The following STAC variants were observed in gnomAD, a reference collection of about 807,000 sequenced individuals.
STAC encodes the protein SH3 and cysteine-rich domain-containing protein.
A neutral mutation model predicts 48.8 loss-of-function variants in STAC; 43 were observed. The ratio of observed to expected loss-of-function variants is 0.88; its 90% confidence interval spans 0.69 to 1.14. The LOEUF (loss-of-function observed/expected upper bound fraction) is 1.14, where lower values mean the gene tolerates loss of function less well. STAC is among the 50% of genes most tolerant of loss of function. STAC has a pLI of 0.00. For synonymous variants in STAC, 193 were observed against 179.5 expected (o/e 1.07, Z -0.60); for missense variants, 497 against 504.0 (o/e 0.99, Z 0.13).
chr3:36,546,108 TC>T, intron 10 of STAC, 82 bp from the exon 11 acceptor site: 1 of 1,135,928 alleles, frequency 8.8e-7, no homozygotes, highest in Non-Finnish European at 1.3e-6. Flanking sequence ...GCAACCTCAG[TC>T]AGCAGGGATT....
intron 2 of STAC, among the ~76,000 whole-genome samples, chr3:36,474,810 G>T (rs1350145): frequency 0.13 from 19,430 of 152,092 alleles, 1,446 homozygotes; most frequent in East Asian, 0.31. Context: ...ACTATAAAAG[G>T]TAATGTTCTT....
At chr3:36,386,935 T>C (rs1371748677) in intron 1 of STAC, among the ~76,000 whole-genome samples, 2 of 152,114 alleles carry the variant, frequency 1.3e-5, no homozygotes, top group East Asian at 3.9e-4. Flanking sequence ...GGATTCTGAA[T>C]GGAACTGCAT....
chr3:36,400,532 T>C (rs1243647572), intron 1 of STAC, among the ~76,000 whole-genome samples: 1 of 152,210 alleles, frequency 6.6e-6, no homozygotes, highest in Non-Finnish European at 1.5e-5. Flanking sequence ...TACGCTGGGT[T>C]GGGACATTCT....
At chr3:36,450,740 G>C (rs1002790087) in intron 2 of STAC, among the ~76,000 whole-genome samples, 10 of 152,130 alleles carry the variant, frequency 6.6e-5, no homozygotes, top group Non-Finnish European at 1.2e-4. Flanking sequence ...GGCCAGGCTG[G>C]TTTCAAACTC....
At chr3:36,515,975 C>CTT (rs1203330014) in intron 8 of STAC, among the ~76,000 whole-genome samples, 265 of 61,396 alleles carry the variant, frequency 4.3e-3, no homozygotes, top group Non-Finnish European at 5.2e-3. Context: ...CATTTTTCTC[C>CTT]TTTTTTTTTT....
intron 1 of STAC, among the ~76,000 whole-genome samples, chr3:36,431,334 G>A (rs1243907923): frequency 1.3e-5 from 2 of 152,164 alleles, no homozygotes; most frequent in Admixed American, 6.5e-5. Flanking sequence ...CTGTCACACA[G>A]CAACAGGAGC....
rs556326518 is a variant in STAC at position 36,498,617 on chromosome 3, G to GTGGCGTGT, written c.766+5391_766+5392insCGTGTTGG. Among the ~76,000 whole-genome samples the GTGGCGTGT allele has an allele frequency of 1.3e-3, 204 of 152,246 alleles. 1 individual carries two copies. Among genetic ancestry groups the GTGGCGTGT allele is most frequent in the Middle Eastern group, 0.01 (3 of 294 alleles). On this transcript the variant is annotated intron_variant, in intron 6 of 10. Transcript: ENST00000273183. ...AAAAATACAAAATTAGCCAGGCGTGGTGGTGCCTGTCTGTAATCCCAGCTA... is the reference window on the plus strand; with the variant it reads ...AAAAATACAAAATTAGCCAGGCGTGGTGGCGTGTTGGTGCCTGTCTGTAATCCCAGCTA...
chr3:36,414,646 T>C (rs1700276173), intron 1 of STAC, among the ~76,000 whole-genome samples: 1 of 152,230 alleles, frequency 6.6e-6, no homozygotes, highest in South Asian at 2.1e-4. Context: ...CGGAGAAGTT[T>C]GATCGTCTGA....
intron 10 of STAC, among the ~76,000 whole-genome samples, chr3:36,534,815 A>G (rs1699161676): frequency 6.6e-6 from 1 of 151,840 alleles, no homozygotes; most frequent in African/African-American, 2.4e-5. Context: ...ACAGGTGTGC[A>G]CTACCATGCC....
chr3:36,418,837 C>T (rs1224857661), intron 1 of STAC, among the ~76,000 whole-genome samples: 1 of 151,924 alleles, frequency 6.6e-6, no homozygotes, highest in Non-Finnish European at 1.5e-5. Flanking sequence ...CACCTGAGGT[C>T]GGGAGATGGA....
chr3:36,422,461 C>A (rs546255604), intron 1 of STAC, among the ~76,000 whole-genome samples: 1 of 152,124 alleles, frequency 6.6e-6, no homozygotes, highest in African/African-American at 2.4e-5. Flanking sequence ...ATAAATATAA[C>A]TTCATAAAAA....
chr3:36,484,208 G>C (rs1389582707), intron 3 of STAC, among the ~76,000 whole-genome samples: 1 of 152,160 alleles, frequency 6.6e-6, no homozygotes, highest in African/African-American at 2.4e-5. Context: ...CAGGGTTAGT[G>C]AATGCTCCTT....
At chr3:36,381,613 A>C (rs570103371) in intron 1 of STAC, among the ~76,000 whole-genome samples, 1 of 152,276 alleles carries the variant, frequency 6.6e-6, no homozygotes, top group African/African-American at 2.4e-5. Context: ...GGGGAATGTG[A>C]GGCAGTCCGT....
intron 1 of STAC, among the ~76,000 whole-genome samples, chr3:36,435,767 C>CCTCT (rs1700819125): frequency 6.6e-6 from 1 of 152,150 alleles, no homozygotes; most frequent in African/African-American, 2.4e-5. Flanking sequence ...AATTCCTAAA[C>CCTCT]CTCTCCTTAC....
intron 2 of STAC, among the ~76,000 whole-genome samples, chr3:36,460,037 A>G (rs1190401836): frequency 6.6e-6 from 1 of 152,122 alleles, no homozygotes; most frequent in African/African-American, 2.4e-5. Flanking sequence ...TCCTGTGTCA[A>G]GTGACCTTGA....
intron 1 of STAC, among the ~76,000 whole-genome samples, chr3:36,382,948 T>A (rs1699543135): frequency 6.6e-6 from 1 of 152,204 alleles, no homozygotes; most frequent in South Asian, 2.1e-4. Flanking sequence ...ACAAACATGG[T>A]TCAGGCCCCC....
intron 1 of STAC, among the ~76,000 whole-genome samples, chr3:36,384,365 C>T (rs1045471665): frequency 2.0e-5 from 3 of 152,074 alleles, no homozygotes; most frequent in African/African-American, 7.2e-5. Flanking sequence ...ATGCCTAATA[C>T]CTCAAAGCCT....
chr3:36,518,550 G>A (rs1013228528), intron 8 of STAC, among the ~76,000 whole-genome samples: 2 of 152,092 alleles, frequency 1.3e-5, no homozygotes, highest in Non-Finnish European at 2.9e-5. Context: ...CTAAATTTGG[G>A]GGGCTTCAAA....
Position 36,528,748 on chromosome 3 carries a change from G to A in STAC, c.972+1G>A. The stretch of plus-strand genomic sequence containing the variant: ...GGATTCCAATGAAGACTGGTGGAAA[G>A]TAAGTGTTCCTCTTTCTTTAAAAAA... On this transcript the variant is annotated splice_donor_variant, in intron 9 of 10. Transcript: ENST00000273183. LOFTEE classifies it high-confidence loss of function. 2 of 1,605,510 alleles carry A rather than the reference G, an allele frequency of 1.2e-6. No individual in the cohort carries two copies. The highest frequency in any genetic ancestry group is 2.2e-5 in the South Asian group (2 of 89,052).
Sources: gnomAD v4.1 joint callset for allele counts (sites outside exome capture counted in the v4.1 genomes callset) on GRCh38, gnomAD v4.1.1 for gene constraint, MANE v1.5 for transcripts, NCBI Gene and HGNC (gene_info 2026-07-23, HGNC 2026-07-21) for gene names.